The following CELF2 variants were observed in gnomAD, a reference collection of about 807,000 sequenced individuals.
The protein encoded by CELF2 is CUGBP Elav-like family member 2.
Under a neutral mutation model 62.6 loss-of-function variants are expected in CELF2, and 8 were observed. The observed-to-expected ratio is 0.13, with a 90% CI of 0.07 to 0.23. The LOEUF (loss-of-function observed/expected upper bound fraction) is 0.23, where lower values mean the gene tolerates loss of function less well. Among genes scored for constraint, CELF2 ranks in the 10% least tolerant of loss-of-function variants. CELF2 has a pLI of 1.00. For missense variants in CELF2, 333 were observed against 671.0 expected (o/e 0.50, Z 5.56); for synonymous variants, 258 against 250.0 (o/e 1.03, Z -0.30).
intron 1 of CELF2, among the ~76,000 whole-genome samples, chr10:11,138,573 G>A (rs894944887): frequency 2.0e-5 from 3 of 152,152 alleles, no homozygotes; most frequent in African/African-American, 7.2e-5. Context: ...GTGCAAACTC[G>A]CAAAGAATTT....
At chr10:11,264,146 A>C (rs1413602554) in intron 5 of CELF2, among the ~76,000 whole-genome samples, 1 of 152,232 alleles carries the variant, frequency 6.6e-6, no homozygotes, top group Admixed American at 6.5e-5. Context: ...TACAAGCATC[A>C]GTCATGTTTT....
At chr10:11,058,924 G>A (rs2066018549) in intron 1 of CELF2, among the ~76,000 whole-genome samples, 1 of 152,128 alleles carries the variant, frequency 6.6e-6, no homozygotes, top group African/African-American at 2.4e-5. Context: ...GGGATAACAA[G>A]CATTTATCAC....
At chr10:10,701,242 A>G in the CELF2 span, among the ~76,000 whole-genome samples, 1 of 152,222 alleles carries the variant, frequency 6.6e-6, no homozygotes, top group Non-Finnish European at 1.5e-5. Context: ...TGCCTTCCCA[A>G]CCTGCTCAGA....
At chr10:10,799,027 G>T (rs751820617) in intron 1 of CELF2, among the ~76,000 whole-genome samples, 5 of 152,296 alleles carry the variant, frequency 3.3e-5, no homozygotes, top group Non-Finnish European at 5.9e-5. Flanking sequence ...TTCACCCCAG[G>T]GGGGAGGTCG....
the CELF2 span, among the ~76,000 whole-genome samples, chr10:10,697,658 A>G: frequency 6.6e-6 from 1 of 152,104 alleles, no homozygotes; most frequent in Non-Finnish European, 1.5e-5. Context: ...CTCACATGGC[A>G]AAAGGACGCT....
At chr10:11,170,689 T>G (rs988224841) in intron 2 of CELF2, among the ~76,000 whole-genome samples, 1 of 149,824 alleles carries the variant, frequency 6.7e-6, no homozygotes, top group Non-Finnish European at 1.5e-5. Context: ...GGAGGAGGAG[T>G]TGAAGGGTTG....
At chr10:10,678,262 T>C in the CELF2 span, among the ~76,000 whole-genome samples, 1 of 152,168 alleles carries the variant, frequency 6.6e-6, no homozygotes, top group Non-Finnish European at 1.5e-5. Context: ...ATATCTGATA[T>C]TTTAAGAAGT....
intron 2 of CELF2, among the ~76,000 whole-genome samples, chr10:10,965,194 A>G (rs944793308): frequency 6.6e-6 from 1 of 152,196 alleles, no homozygotes; most frequent in Non-Finnish European, 1.5e-5. Context: ...GCCAATGAAT[A>G]TAGCCCTCTC....
chr10:10,464,583 G>T, the CELF2 span, among the ~76,000 whole-genome samples: 1 of 152,110 alleles, frequency 6.6e-6, no homozygotes, highest in South Asian at 2.1e-4. Context: ...TTTTCCTTCT[G>T]GCTTAAAATA....
chr10:10,754,314 T>G, the CELF2 span, among the ~76,000 whole-genome samples: 2 of 151,882 alleles, frequency 1.3e-5, no homozygotes, highest in African/African-American at 4.8e-5. Flanking sequence ...CTGGCCAATA[T>G]TTTTTTATTT....
At chr10:10,729,756 G>A in the CELF2 span, among the ~76,000 whole-genome samples, 1 of 151,914 alleles carries the variant, frequency 6.6e-6, no homozygotes, top group Admixed American at 6.6e-5. Flanking sequence ...TCCACCCTGG[G>A]CAACAGAGGG....
rs376673991 is a variant in CELF2 at position 11,299,256 on chromosome 10, G to A, written c.976+10704G>A. 1.7e-4 allele frequency among the ~76,000 whole-genome samples: 26 copies of A among 152,340 alleles called. No individual in the cohort carries two copies. The East Asian group carries it at 3.3e-3, about 19-fold the overall frequency. Reference sequence around the variant, plus strand: ...TTGTATCTCGGGCCACACGGCGGGTGGTGCGTGCTCTGCACCGGGCCCTTG... The same window carrying A: ...TTGTATCTCGGGCCACACGGCGGGTAGTGCGTGCTCTGCACCGGGCCCTTG... On this transcript the variant is annotated intron_variant, in intron 9 of 12. Coordinates refer to ENST00000633077, the MANE Select transcript of CELF2 (RefSeq NM_001326342.2).
intron 1 of CELF2, among the ~76,000 whole-genome samples, chr10:10,882,631 A>G (rs1039991131): frequency 1.3e-5 from 2 of 152,196 alleles, no homozygotes; most frequent in African/African-American, 4.8e-5. Flanking sequence ...TTCATTGATG[A>G]GAGAACCTCT....
At chr10:11,196,509 AT>A (rs2057521928) in intron 2 of CELF2, among the ~76,000 whole-genome samples, 1 of 152,088 alleles carries the variant, frequency 6.6e-6, no homozygotes, top group African/African-American at 2.4e-5. Context: ...TGCAAAAAAA[AT>A]AACAAAATTA....
intron 2 of CELF2, among the ~76,000 whole-genome samples, chr10:11,173,947 T>C (rs920705235): frequency 2.0e-5 from 3 of 152,182 alleles, no homozygotes; most frequent in Non-Finnish European, 4.4e-5. Flanking sequence ...ATGACGATAA[T>C]GTGTTGGGTT....
intron 1 of CELF2, among the ~76,000 whole-genome samples, chr10:11,138,515 C>A (rs1211783346): frequency 1.3e-5 from 2 of 152,222 alleles, no homozygotes; most frequent in African/African-American, 4.8e-5. Context: ...GTTTACACAC[C>A]GACAGCTATG....
chr10:10,598,747 C>CTTT, the CELF2 span, among the ~76,000 whole-genome samples: 4 of 73,174 alleles, frequency 5.5e-5, no homozygotes, highest in Admixed American at 1.4e-4. Flanking sequence ...TTTTCTTTTT[C>CTTT]TTTCTTTTTT....
chr10:10,808,388 A>C (rs1203261521), intron 1 of CELF2, among the ~76,000 whole-genome samples: 1 of 152,224 alleles, frequency 6.6e-6, no homozygotes, highest in Admixed American at 6.5e-5. Flanking sequence ...AAGTAAATTC[A>C]ATGATTTTAA....
intron 1 of CELF2, among the ~76,000 whole-genome samples, chr10:10,870,435 C>T (rs1591387948): frequency 6.6e-6 from 1 of 152,082 alleles, no homozygotes; most frequent in Non-Finnish European, 1.5e-5. Flanking sequence ...GGGTCTAAGT[C>T]TCCATAGCAA....
Sources: allele counts gnomAD v4.1 joint callset (sites outside exome capture counted in the v4.1 genomes callset), GRCh38; gene constraint gnomAD v4.1.1; transcripts MANE v1.5; gene names NCBI Gene and HGNC (gene_info 2026-07-23, HGNC 2026-07-21).